The following KSR2 variants were observed in gnomAD, a reference collection of about 807,000 sequenced individuals.
KSR2 encodes kinase suppressor of ras 2.
KSR2 carries 25 observed loss-of-function variants against 107.8 expected under a neutral mutation model. The observed-to-expected ratio is 0.23, with a 90% CI of 0.17 to 0.32. The LOEUF (loss-of-function observed/expected upper bound fraction) is 0.32, where lower values mean the gene tolerates loss of function less well. Ranked by LOEUF, KSR2 falls within the 10% of genes least tolerant of loss-of-function variation. KSR2 has a pLI of 1.00. For synonymous variants in KSR2, 480 were observed against 507.0 expected (o/e 0.95, Z 0.71); for missense variants, 887 against 1,268.9 (o/e 0.70, Z 4.57).
rs7303048 is a variant in KSR2, at chr12:117,935,549, T to G, written c.180+32527A>C. 5.4e-3 allele frequency among the ~76,000 whole-genome samples: 824 copies of G among 152,104 alleles called. 6 individuals carry two copies. Among genetic ancestry groups the G allele is most frequent in the African/African-American group, 0.018 (764 of 41,526 alleles). On this transcript the variant is annotated intron_variant, in intron 1 of 19. Transcript: ENST00000339824. ...GCCGAGGTGGGTGGATCATTTGAGG[T>G]CAGGAGTTCGAGACCAGCCCAGCCA...
intron 3 of KSR2, among the ~76,000 whole-genome samples, chr12:117,765,552 G>A (rs1001792663): frequency 1.6e-4 from 25 of 152,050 alleles, no homozygotes; most frequent in African/African-American, 4.8e-4. Flanking sequence ...CACCCTTTAC[G>A]TACCAGGCAC....
intron 1 of KSR2, among the ~76,000 whole-genome samples, chr12:117,955,250 G>A (rs1896479032): frequency 6.6e-6 from 1 of 151,814 alleles, no homozygotes; most frequent in South Asian, 2.1e-4. Context: ...AGCCTCCCAG[G>A]TATCTGGGAC....
At position 117,455,732 on chromosome 12, in the gene KSR2, A is replaced by T. The variant is rs1870586717; in HGVS notation, c.*11467T>A. The T allele has an allele frequency of 6.6e-6, 1 of 152,244 alleles. No homozygotes were observed. The highest frequency in any genetic ancestry group is 2.4e-5 in the African/African-American group (1 of 41,452). The allele number at this position is 152,244 out of a possible 1,614,324, so 9.4% of individuals were successfully genotyped here. A position where few individuals can be genotyped will look rare whatever the true frequency, so the allele number is the denominator to read the frequency against. On this transcript the variant is annotated 3_prime_UTR_variant, in exon 20 of 20. Coordinates refer to ENST00000339824, the MANE Select transcript of KSR2 (RefSeq NM_173598.6). ...GAGGGTGTAGTGAATGGGGCTGGGG[A>T]CATGAGCCTTTGAAATACAAGCAAA...
At chr12:117,677,872 T>C (rs1414979811) in intron 4 of KSR2, among the ~76,000 whole-genome samples, 2 of 152,196 alleles carry the variant, frequency 1.3e-5, no homozygotes, top group Non-Finnish European at 2.9e-5. Context: ...AAGTGAATAT[T>C]AACAACAAGC....
chr12:117,463,579 T>C lies in KSR2; in HGVS notation c.*3620A>G, dbSNP rs1871009679. 1 of 152,260 alleles carries C rather than the reference T, an allele frequency of 6.6e-6. No individual in the cohort carries two copies. The highest frequency in any genetic ancestry group is 1.5e-5 in the Non-Finnish European group (1 of 68,054). 9.4% of individuals were successfully genotyped at this position (152,260 alleles called of 1,614,324 possible). The stretch of plus-strand genomic sequence containing the variant: ...TTATTGACATGAAATTTGAATGTTA[T>C]AGAATTTTCATGTCATGAAATATTA... On this transcript the variant is annotated 3_prime_UTR_variant, in exon 20 of 20. Transcript: ENST00000339824.
At position 117,558,542 on chromosome 12, in the gene KSR2, C is replaced by T. The variant is rs542322607; in HGVS notation, c.1357G>A (p.Ala453Thr). ...ATGATCAGAAGATGACAGGGTGGGG[C>T]TTCTTTGGTGCATTTGTTGTGGCAC... The part of the protein sequence containing the change: ...LKCHNKCTKE[A>T]PPCHLLIIHR... The change falls in exon 8 of 20, where the codon GCC (alanine) becomes ACC (threonine). Residue 453 changes from alanine to threonine, a missense_variant. Physicochemically the swap from Ala to Thr is moderately conservative, Grantham distance 58. Transcript: ENST00000339824. 8 of 1,613,840 alleles carry T rather than the reference C, an allele frequency of 5.0e-6. No individual in the cohort carries two copies. Among genetic ancestry groups the T allele is most frequent in the Admixed American group, 1.7e-5 (1 of 60,016 alleles).
intron 4 of KSR2, among the ~76,000 whole-genome samples, chr12:117,706,254 G>C (rs1886528440): frequency 6.6e-6 from 1 of 151,840 alleles, no homozygotes; most frequent in African/African-American, 2.4e-5. Flanking sequence ...ATGTTGGCCA[G>C]GCTGGTCTTA....
intron 4 of KSR2, among the ~76,000 whole-genome samples, chr12:117,752,518 A>G (rs1230742771): frequency 2.6e-5 from 4 of 152,268 alleles, no homozygotes; most frequent in Non-Finnish European, 1.5e-5. Context: ...GCCTACAAAC[A>G]TGAATAAATG....
intron 10 of KSR2, among the ~76,000 whole-genome samples, chr12:117,535,754 G>A (rs1876007564): frequency 2.0e-5 from 3 of 152,048 alleles, no homozygotes; most frequent in Middle Eastern, 3.4e-3. Flanking sequence ...AATCATTTTC[G>A]AAGCCTCTTC....
At chr12:117,866,773 G>A (rs904360476) in intron 1 of KSR2, among the ~76,000 whole-genome samples, 1 of 151,966 alleles carries the variant, frequency 6.6e-6, no homozygotes, top group Non-Finnish European at 1.5e-5. Context: ...AGGTTGCAGT[G>A]ACCCAAGATC....
intron 5 of KSR2, among the ~76,000 whole-genome samples, chr12:117,611,445 G>GACACACACACAC (rs6144887): frequency 0.046 from 6,664 of 144,590 alleles, 505 homozygotes; most frequent in African/African-American, 0.16. Flanking sequence ...TGCACGCACA[G>GACACACACACAC]ACACACACAC....
At chr12:117,535,604 T>TTTTG (rs1555213584) in intron 10 of KSR2, among the ~76,000 whole-genome samples, 2 of 142,232 alleles carry the variant, frequency 1.4e-5, no homozygotes, top group Non-Finnish European at 3.0e-5. Flanking sequence ...TTTCCTGGAG[T>TTTTG]TGTGTGTGTG....
intron 4 of KSR2, among the ~76,000 whole-genome samples, chr12:117,740,670 A>G (rs946012910): frequency 5.0e-5 from 7 of 138,766 alleles, no homozygotes; most frequent in African/African-American, 1.8e-4. Flanking sequence ...TATAATATAT[A>G]TAATATATAT....
chr12:117,944,814 C>T (rs1015839244), intron 1 of KSR2, among the ~76,000 whole-genome samples: 2 of 149,018 alleles, frequency 1.3e-5, no homozygotes, highest in Non-Finnish European at 1.5e-5. Flanking sequence ...GGTATGATCT[C>T]GCCATCGCAC....
intron 3 of KSR2, among the ~76,000 whole-genome samples, chr12:117,830,998 G>A (rs1196865209): frequency 6.6e-6 from 1 of 152,146 alleles, no homozygotes; most frequent in Non-Finnish European, 1.5e-5. Flanking sequence ...GAAAAGAGAT[G>A]TGACATGTCC....
intron 5 of KSR2, among the ~76,000 whole-genome samples, chr12:117,634,567 C>T (rs931057185): frequency 1.3e-5 from 2 of 152,098 alleles, no homozygotes; most frequent in Non-Finnish European, 2.9e-5. Context: ...ATCCTTTTCC[C>T]AGGTTCACAC....
At chr12:117,847,956 G>A (rs1315845428) in intron 3 of KSR2, among the ~76,000 whole-genome samples, 1 of 152,192 alleles carries the variant, frequency 6.6e-6, no homozygotes. Context: ...ATAAACACAC[G>A]TGGGAGGGGG....
At chr12:117,562,202 C>T (rs1246604807) in intron 7 of KSR2, among the ~76,000 whole-genome samples, 3 of 130,200 alleles carry the variant, frequency 2.3e-5, no homozygotes, top group Non-Finnish European at 3.1e-5. Context: ...GTCAATGAGG[C>T]TTTTAAAGTG....
intron 3 of KSR2, among the ~76,000 whole-genome samples, chr12:117,820,687 C>A (rs1891534122): frequency 6.6e-6 from 1 of 151,986 alleles, no homozygotes; most frequent in Non-Finnish European, 1.5e-5. Flanking sequence ...CCTTCCCCTA[C>A]AACCCAGAGG....
Sources: gnomAD v4.1 joint callset for allele counts (sites outside exome capture counted in the v4.1 genomes callset) on GRCh38, gnomAD v4.1.1 for gene constraint, MANE v1.5 for transcripts, NCBI Gene and HGNC (gene_info 2026-07-23, HGNC 2026-07-21) for gene names.